ALK: variants seen among roughly 807,000 people sequenced by gnomAD.
The protein encoded by ALK is ALK receptor tyrosine kinase, also known as ALK tyrosine kinase receptor.
A neutral mutation model predicts 163.1 loss-of-function variants in ALK; 74 were observed. The observed-to-expected ratio is 0.45, with a 90% CI of 0.38 to 0.55. ALK has a LOEUF of 0.55. Among genes scored for constraint, ALK ranks in the 20% least tolerant of loss-of-function variants. The pLI, the probability that ALK is intolerant of heterozygous loss-of-function variation, is 0.00. For missense variants in ALK, 2,063 were observed against 2,105.3 expected (o/e 0.98, Z 0.39); for synonymous variants, 960 against 843.2 (o/e 1.14, Z -2.40).
At chr2:29,673,212 T>A (rs2148272259) in intron 3 of ALK, among the ~76,000 whole-genome samples, 1 of 139,220 alleles carries the variant, frequency 7.2e-6, no homozygotes, top group South Asian at 2.3e-4. Flanking sequence ...TTGTCTTTTG[T>A]TGCCATTGCT....
chr2:29,778,026 C>G (rs926725353), intron 1 of ALK, among the ~76,000 whole-genome samples: 5 of 152,178 alleles, frequency 3.3e-5, no homozygotes, highest in Admixed American at 6.5e-5. Context: ...CACCTCAGCT[C>G]CAGGTAGGGA....
intron 4 of ALK, among the ~76,000 whole-genome samples, chr2:29,470,522 AAACTGAC>A (rs1227839862): frequency 2.0e-5 from 3 of 152,244 alleles, no homozygotes; most frequent in Non-Finnish European, 4.4e-5. Context: ...AGCATTGATA[AAACTGAC>A]AACTGACTTC....
At chr2:29,758,836 C>T (rs149751769) in intron 1 of ALK, among the ~76,000 whole-genome samples, 1 of 152,288 alleles carries the variant, frequency 6.6e-6, no homozygotes, top group African/African-American at 2.4e-5. Context: ...GTGTGTAAGA[C>T]AAAGCCTGTT....
At chr2:29,878,306 C>T (rs138112926) in intron 1 of ALK, among the ~76,000 whole-genome samples, 1 of 152,124 alleles carries the variant, frequency 6.6e-6, no homozygotes, top group East Asian at 1.9e-4. Context: ...GAAATTAGGT[C>T]TCTAGGAGGT....
At chr2:29,738,563 T>G (rs1679958444) in intron 1 of ALK, among the ~76,000 whole-genome samples, 1 of 152,016 alleles carries the variant, frequency 6.6e-6, no homozygotes, top group Admixed American at 6.5e-5. Flanking sequence ...GCCCAGGTTT[T>G]TAGGACGAGG....
intron 4 of ALK, among the ~76,000 whole-genome samples, chr2:29,522,456 T>C (rs1203023530): frequency 6.6e-6 from 1 of 152,182 alleles, no homozygotes; most frequent in Non-Finnish European, 1.5e-5. Flanking sequence ...CTATCTGGGA[T>C]GCCAGGTCCT....
At chr2:29,888,551 G>A (rs570605724) in intron 1 of ALK, among the ~76,000 whole-genome samples, 1 of 152,258 alleles carries the variant, frequency 6.6e-6, no homozygotes, top group South Asian at 2.1e-4. Flanking sequence ...TACCGAACCA[G>A]CTTCCGAACT....
intron 1 of ALK, among the ~76,000 whole-genome samples, chr2:29,836,857 A>G (rs1665575531): frequency 6.6e-6 from 1 of 152,216 alleles, no homozygotes; most frequent in Non-Finnish European, 1.5e-5. Flanking sequence ...CCATATGCAA[A>G]ATGAACTGAC....
intron 5 of ALK, among the ~76,000 whole-genome samples, chr2:29,374,965 T>C (rs113446104): frequency 1.6e-4 from 25 of 152,166 alleles, no homozygotes; most frequent in Admixed American, 3.3e-4. Context: ...GCACGGCTGA[T>C]TGAGTGCCCT....
At chr2:29,616,360 G>C (rs1191025792) in intron 3 of ALK, among the ~76,000 whole-genome samples, 1 of 152,184 alleles carries the variant, frequency 6.6e-6, no homozygotes, top group Non-Finnish European at 1.5e-5. Flanking sequence ...CACCAGACGT[G>C]TTTGCTAAAA....
chr2:29,572,561 G>A (rs566599262), intron 3 of ALK, among the ~76,000 whole-genome samples: 4 of 152,176 alleles, frequency 2.6e-5, no homozygotes, highest in South Asian at 2.1e-4. Flanking sequence ...CCTTTGTGGC[G>A]CCTATCTGGG....
rs531701971 is a variant in ALK, at chr2:29,625,394, C to G, written c.952+69456G>C. On this transcript the variant is annotated intron_variant, in intron 3 of 28. Coordinates refer to ENST00000389048, the MANE Select transcript of ALK (RefSeq NM_004304.5). ...TGTGCGCATTTTCCCAAAAGCTTTC[C>G]GATAGATTTAAATCAAATGTTACCA... Among the ~76,000 whole-genome samples, 5 of 152,248 alleles carry G rather than the reference C, an allele frequency of 3.3e-5. No homozygotes were observed. In the East Asian group the frequency reaches 9.6e-4, roughly 29 times the overall value.
At chr2:29,865,929 C>T (rs934368435) in intron 1 of ALK, among the ~76,000 whole-genome samples, 1 of 152,220 alleles carries the variant, frequency 6.6e-6, no homozygotes, top group Admixed American at 6.5e-5. Context: ...CTCCCAGACA[C>T]CAAGGGTCGC....
At chr2:29,444,570 A>G (rs1362121089) in intron 4 of ALK, among the ~76,000 whole-genome samples, 1 of 152,120 alleles carries the variant, frequency 6.6e-6, no homozygotes, top group Non-Finnish European at 1.5e-5. Flanking sequence ...CCATTATGGG[A>G]TCCTTTATAC....
At chr2:29,522,456 T>G (rs1203023530) in intron 4 of ALK, among the ~76,000 whole-genome samples, 1 of 152,182 alleles carries the variant, frequency 6.6e-6, no homozygotes, top group East Asian at 1.9e-4. Context: ...CTATCTGGGA[T>G]GCCAGGTCCT....
chr2:29,252,749 G>C (rs1664851967), intron 11 of ALK, among the ~76,000 whole-genome samples: 1 of 151,912 alleles, frequency 6.6e-6, no homozygotes, highest in Non-Finnish European at 1.5e-5. Flanking sequence ...TTTGGTTTCA[G>C]GATGGTCATT....
intron 4 of ALK, among the ~76,000 whole-genome samples, chr2:29,459,228 A>AAAT (rs76550372): frequency 0.18 from 26,667 of 151,902 alleles, 2,568 homozygotes; most frequent in East Asian, 0.35. Context: ...TTCACTCCTT[A>AAAT]ATTTACCGAG....
chr2:29,545,192 T>C (rs1673522636), intron 3 of ALK, among the ~76,000 whole-genome samples: 1 of 152,204 alleles, frequency 6.6e-6, no homozygotes, highest in Admixed American at 6.5e-5. Flanking sequence ...CATGGGCAGG[T>C]GGGACCCAGA....
rs73920741 is a variant in ALK, at chr2:29,229,149, C to T, written c.2633-83G>A. The T allele has an allele frequency of 1.7e-3, 2,334 of 1,387,138 alleles. 25 individuals are homozygous for T. The African/African-American group carries it at 0.026, about 15-fold the overall frequency. 85.9% of individuals were successfully genotyped at this position (1,387,138 alleles called of 1,614,324 possible). On this transcript the variant is annotated intron_variant, in intron 15 of 28. Coordinates refer to ENST00000389048, the MANE Select transcript of ALK (RefSeq NM_004304.5). ...CTGGCCAGAGAAGCAGGATGCAGGACGCCTTGGAGGGCGCCCGCACCAGCT... is the reference window on the plus strand; with the variant it reads ...CTGGCCAGAGAAGCAGGATGCAGGATGCCTTGGAGGGCGCCCGCACCAGCT...
Sources: allele counts gnomAD v4.1 joint callset (sites outside exome capture counted in the v4.1 genomes callset), GRCh38; gene constraint gnomAD v4.1.1; transcripts MANE v1.5; gene names NCBI Gene and HGNC (gene_info 2026-07-23, HGNC 2026-07-21).